The following ZBP1 variants were observed in gnomAD, a reference collection of about 807,000 sequenced individuals.
ZBP1 encodes the protein Z-DNA binding protein 1, also known as Z-DNA-binding protein 1.
A neutral mutation model predicts 41.1 loss-of-function variants in ZBP1; 42 were observed. That is an observed-to-expected ratio of 1.02 (90% CI 0.80 to 1.32). The LOEUF (loss-of-function observed/expected upper bound fraction) is 1.32, where lower values mean the gene tolerates loss of function less well. ZBP1 is among the 40% of genes most tolerant of loss of function. The pLI is 0.00. For synonymous variants in ZBP1, 214 were observed against 205.2 expected, an observed-to-expected ratio of 1.04 and a Z score of -0.37; for missense variants, 562 against 549.7, an observed-to-expected ratio of 1.02 and a Z score of -0.22.
chr20:57,616,348 A>G lies in ZBP1; in HGVS notation c.155T>C (p.Met52Thr), dbSNP rs2070828081. The G allele has an allele frequency of 1.9e-6, 3 of 1,614,100 alleles. No homozygotes were observed. Among genetic ancestry groups the G allele is most frequent in the East Asian group, 2.2e-5 (1 of 44,868 alleles). The change falls in exon 2 of 8, where the codon ATG becomes ACG. Residue 52 changes from methionine (M) to threonine (T), a missense_variant. Physicochemically the swap from Met to Thr is moderately conservative, Grantham distance 81. Coordinates refer to ENST00000371173, the MANE Select transcript of ZBP1 (RefSeq NM_030776.3). Reference protein sequence around the residue: ...KRELNQVLYRMKKELKVSLTS... With the variant: ...KRELNQVLYRTKKELKVSLTS... The stretch of plus-strand genomic sequence containing the variant: ...GAGGGAGACTTTCAACTCCTTTTTC[A>G]TTCGGTAGAGGACTTGGTTGAGCTC...
chr20:57,616,606 A>G, intron 1 of ZBP1, 138 bp from the exon 2 acceptor site: 1 of 784,342 alleles, frequency 1.3e-6, no homozygotes, highest in Non-Finnish European at 2.0e-6. Flanking sequence ...CAAGGACCCC[A>G]GCAGATGCCC....
chr20:57,607,207 G>A (rs1165547051), intron 7 of ZBP1: 74 of 1,303,918 alleles, frequency 5.7e-5, no homozygotes, highest in Non-Finnish European at 7.0e-5. Flanking sequence ...ATGGGAGGAG[G>A]TCAAACTATC....
chr20:57,605,021 C>A (rs1478580453), intron 7 of ZBP1, among the ~76,000 whole-genome samples: 1 of 152,128 alleles, frequency 6.6e-6, no homozygotes, highest in African/African-American at 2.4e-5. Context: ...AGCCCCCATC[C>A]CAGGGCTCTC....
intron 2 of ZBP1, 145 bp from the exon 3 acceptor site, chr20:57,615,725 C>T: frequency 7.8e-6 from 5 of 640,538 alleles, no homozygotes; most frequent in Non-Finnish European, 1.3e-5. Context: ...CACTTGACTT[C>T]AAATCCTGCC....
chr20:57,616,459 T>A lies in ZBP1; in HGVS notation c.44A>T (p.Glu15Val), dbSNP rs1275369997. The A allele has an allele frequency of 6.2e-7, 1 of 1,613,400 alleles. No individual in the cohort carries two copies. Among genetic ancestry groups the A allele is most frequent in the Non-Finnish European group, 8.5e-7 (1 of 1,179,896 alleles). ...TGTCAGCACCTGCAGGATTCTTTGT[T>A]CAAGGTGGCCTGGGGGAGCGAGCGG... ...PADPGREGHLEQRILQVLTEA... is the reference protein window; with the variant it reads ...PADPGREGHLVQRILQVLTEA... The change falls in exon 2 of 8, where the codon GAA becomes GTA. Residue 15 changes from glutamate to valine, a missense_variant. Physicochemically the swap from Glu to Val is moderately radical, Grantham distance 121. Coordinates refer to ENST00000371173, the MANE Select transcript of ZBP1 (RefSeq NM_030776.3).
chr20:57,609,869 C>G lies in ZBP1; in HGVS notation c.1093+280G>C, dbSNP rs550503686. ...GCCTTCAGATTTTACCCCAGTCTTGCAACCACTGTAGGAGTTGCTTCAGGC... is the reference window on the plus strand; with the variant it reads ...GCCTTCAGATTTTACCCCAGTCTTGGAACCACTGTAGGAGTTGCTTCAGGC... On this transcript the variant is annotated intron_variant, in intron 7 of 7. Coordinates refer to ENST00000371173, the MANE Select transcript of ZBP1 (RefSeq NM_030776.3). Among the ~76,000 whole-genome samples, 5 of 152,294 alleles carry G rather than the reference C, an allele frequency of 3.3e-5. No homozygotes were observed. The South Asian group carries it at 1.0e-3, about 32-fold the overall frequency.
intron 5 of ZBP1, chr20:57,612,944 G>A: frequency 1.5e-6 from 2 of 1,361,662 alleles, no homozygotes; most frequent in South Asian, 4.0e-5. Flanking sequence ...TTTAAAATGA[G>A]GTAGAAAGTA....
rs530778900 is a variant in ZBP1 at position 57,614,509 on chromosome 20, G to A, written c.502+378C>T. ...GCTGACCCTGGGGCTCCAGCCGGTA[G>A]GGGTCCAAGACTAGTCTTGCCTTCT... is the stretch of plus-strand genomic sequence containing the variant. On this transcript the variant is annotated intron_variant, in intron 4 of 7. Coordinates refer to ENST00000371173, the MANE Select transcript of ZBP1 (RefSeq NM_030776.3). Among the ~76,000 whole-genome samples, 12 of 152,260 alleles carry A rather than the reference G, an allele frequency of 7.9e-5. No homozygotes were observed. The South Asian group carries it at 2.1e-3, about 26-fold the overall frequency.
At chr20:57,616,633 C>A in intron 1 of ZBP1, 165 bp from the exon 2 acceptor site, 2 of 663,096 alleles carry the variant, frequency 3.0e-6, no homozygotes. Flanking sequence ...AGCAGTAGGG[C>A]AGCTGCATCT....
chr20:57,606,911 ATT>A, intron 7 of ZBP1: 3 of 970,144 alleles, frequency 3.1e-6, no homozygotes, highest in South Asian at 2.1e-5. Context: ...CCAAAAAAAA[ATT>A]TTTTTTTTAC....
chr20:57,619,370 A>C (rs1281292806), intron 1 of ZBP1, among the ~76,000 whole-genome samples: 1 of 152,208 alleles, frequency 6.6e-6, no homozygotes, highest in East Asian at 1.9e-4. Context: ...AGTAATAACT[A>C]CTTCAAAGAT....
chr20:57,604,551 A>G lies in ZBP1; in HGVS notation c.*22T>C. 6.2e-7 allele frequency: 1 copy of G among 1,609,330 alleles called. No individual in the cohort carries two copies. Reference sequence around the variant, plus strand: ...ATGCGCCCACCCCCAGCCTGTGTCCAAGCCCCACGTGAGGCTGTGCACTAA... The same window carrying G: ...ATGCGCCCACCCCCAGCCTGTGTCCGAGCCCCACGTGAGGCTGTGCACTAA... On this transcript the variant is annotated 3_prime_UTR_variant, in exon 8 of 8. Coordinates refer to ENST00000371173, the MANE Select transcript of ZBP1 (RefSeq NM_030776.3).
intron 5 of ZBP1, 41 bp from the exon 6 acceptor site, chr20:57,611,971 C>T (rs2146575044): frequency 6.5e-7 from 1 of 1,538,688 alleles, no homozygotes; most frequent in Non-Finnish European, 8.8e-7. Flanking sequence ...GAGATTACTG[C>T]AGGCTTCTTC....
At position 57,613,224 on chromosome 20, in the gene ZBP1, G is replaced by A. The variant is rs371356993; in HGVS notation, c.609C>T (p.Ser203=). The part of the protein sequence containing the change: ...GPNSWISIAN[S]EAIQIGHGNI... ...TCCCGTGTCCAATCTGGATGGCTTC[G>A]GAGTTTGCAATGGAAATCCAGCTGT... The change falls in exon 5 of 8, where the codon TCC becomes TCT. Residue 203 remains serine, a synonymous_variant. Coordinates refer to ENST00000371173, the MANE Select transcript of ZBP1 (RefSeq NM_030776.3). This position sits in a 1 kb window ranked among gnomAD's most constrained non-coding sequence, Gnocchi z 4.5. 65 of 1,614,116 alleles carry A rather than the reference G, an allele frequency of 4.0e-5. No individual in the cohort carries two copies. Among genetic ancestry groups the A allele is most frequent in the Middle Eastern group, 1.6e-4 (1 of 6,084 alleles).
chr20:57,620,261 C>A lies in ZBP1; in HGVS notation c.34+1G>T. On this transcript the variant is annotated splice_donor_variant, in intron 1 of 7. Transcript: ENST00000371173. LOFTEE classifies it high-confidence loss of function. ...GTCCTTGGAAGGAAGAAGTACTGTA[C>A]CTTCTCTGCCCGGGTCAGCAGGAGC... The A allele has an allele frequency of 6.3e-7, 1 of 1,591,620 alleles. No homozygotes were observed. Among genetic ancestry groups the A allele is most frequent in the East Asian group, 2.3e-5 (1 of 43,962 alleles).
chr20:57,613,298 T>A lies in ZBP1; in HGVS notation c.535A>T (p.Ile179Phe). ...TTGATTGGATTGTGCTGGTAAATAA[T>A]TGAGGCTGACTTTGCTCTTCTTCCA... ...DSGRRAKSAS[I>F]IYQHNPINMI... The change falls in exon 5 of 8, where the codon ATT becomes TTT. Residue 179 changes from isoleucine to phenylalanine, a missense_variant. Transcript: ENST00000371173. The surrounding 1 kb of genome is among the most constrained non-coding windows in gnomAD (Gnocchi z 4.5). 6.2e-7 allele frequency: 1 copy of A among 1,614,178 alleles called. No individual in the cohort carries two copies. The highest frequency in any genetic ancestry group is 8.5e-7 in the Non-Finnish European group (1 of 1,180,044).
intron 2 of ZBP1, chr20:57,616,012 C>T: frequency 1.7e-6 from 1 of 594,750 alleles, no homozygotes; most frequent in Non-Finnish European, 3.0e-6. Flanking sequence ...AGAGTACCTC[C>T]TGTGTGCAGG....
At chr20:57,615,867 G>A (rs1385873984) in intron 2 of ZBP1, 1 of 531,930 alleles carries the variant, frequency 1.9e-6, no homozygotes, top group African/African-American at 1.9e-5. Flanking sequence ...ATGATAAATG[G>A]CAGCTCCTTC....
In ZBP1 at chr20:57,610,288, G is replaced by A. The variant is rs146958594; in HGVS notation, c.954C>T (p.Ala318=). ...PSPGTHPEGE[A]AQRIHMKSCF... is the part of the protein sequence containing the mutation. ...ACGATTTCATGTGGATTCTCTGGGC[G>A]GCTTCCCCCTCAGGGTGAGTTCCTG... is the stretch of plus-strand genomic sequence containing the variant. Residue 318 remains alanine (A), a synonymous_variant, in exon 7 of 8, where the codon GCC becomes GCT. Coordinates refer to ENST00000371173, the MANE Select transcript of ZBP1 (RefSeq NM_030776.3). The surrounding 1 kb of genome is among the most constrained non-coding windows in gnomAD (Gnocchi z 5.5). 102 of 1,614,036 alleles carry A rather than the reference G, an allele frequency of 6.3e-5. No individual in the cohort carries two copies. The highest frequency in any genetic ancestry group is 2.5e-4 in the Admixed American group (15 of 60,008).
Sources: gnomAD v4.1 joint callset for allele counts (sites outside exome capture counted in the v4.1 genomes callset) on GRCh38, gnomAD v4.1.1 for gene constraint, Gnocchi (gnomAD v3.1) non-coding constraint, MANE v1.5 for transcripts, NCBI Gene and HGNC (gene_info 2026-07-23, HGNC 2026-07-21) for gene names.